The following ANKRD62 variants were observed in gnomAD, a reference collection of about 807,000 sequenced individuals.
The protein encoded by ANKRD62 is ankyrin repeat domain 62, also known as ankyrin repeat domain-containing protein 62.
ANKRD62 carries 61 observed loss-of-function variants against 98.8 expected under a neutral mutation model. That is an observed-to-expected ratio of 0.62 (90% CI 0.50 to 0.76). The LOEUF is 0.76. Ranked by LOEUF, ANKRD62 falls within the 30% of genes least tolerant of loss-of-function variation. The pLI is 0.00. For synonymous variants in ANKRD62, 341 were observed against 367.9 expected (o/e 0.93, Z 0.84); for missense variants, 933 against 1,082.9 (o/e 0.86, Z 1.94).
chr18:12,145,401 T>C, the ANKRD62 span, among the ~76,000 whole-genome samples: 1 of 152,240 alleles, frequency 6.6e-6, no homozygotes, highest in East Asian at 1.9e-4. Context: ...TTCAGATCTC[T>C]GTTGGCCAGA....
chr18:12,145,279 G>GC, the ANKRD62 span, among the ~76,000 whole-genome samples: 1 of 151,970 alleles, frequency 6.6e-6, no homozygotes, highest in African/African-American at 2.4e-5. Context: ...CTCTGCTACC[G>GC]CCCCCCACCA....
At chr18:12,134,162 A>G (rs1910044776), downstream of ANKRD62, among the ~76,000 whole-genome samples, 1 of 152,228 alleles carries the variant, frequency 6.6e-6, no homozygotes, top group East Asian at 1.9e-4. Context: ...GCACTGGCTC[A>G]TATGCCTTGA....
chr18:12,156,628 T>G, the ANKRD62 span, among the ~76,000 whole-genome samples: 1 of 152,274 alleles, frequency 6.6e-6, no homozygotes, highest in African/African-American at 2.4e-5. Context: ...CACATCTGTG[T>G]GTGTTCTAAG....
At chr18:12,160,990 C>T in the ANKRD62 span, among the ~76,000 whole-genome samples, 1 of 152,112 alleles carries the variant, frequency 6.6e-6, no homozygotes. Flanking sequence ...GAAAAGTGCT[C>T]ATGACACACT....
chr18:12,179,591 G>A, the ANKRD62 span, among the ~76,000 whole-genome samples: 1 of 151,506 alleles, frequency 6.6e-6, no homozygotes, highest in South Asian at 2.1e-4. Flanking sequence ...AGATACACCT[G>A]CAAATCTTCG....
chr18:12,119,624 T>A (rs1909742824), intron 10 of ANKRD62, among the ~76,000 whole-genome samples: 1 of 152,146 alleles, frequency 6.6e-6, no homozygotes, highest in East Asian at 1.9e-4. Flanking sequence ...ATGATAAGAC[T>A]ACCTCTAAAA....
chr18:12,136,891 T>C, the ANKRD62 span, among the ~76,000 whole-genome samples: 1 of 152,206 alleles, frequency 6.6e-6, no homozygotes, highest in Non-Finnish European at 1.5e-5. Context: ...TTTTTGTACA[T>C]TGATTTTGTA....
At chr18:12,111,337 C>A (rs1477151035) in intron 8 of ANKRD62, among the ~76,000 whole-genome samples, 1 of 151,662 alleles carries the variant, frequency 6.6e-6, no homozygotes, top group Non-Finnish European at 1.5e-5. Context: ...TCAATAGATT[C>A]AGAAATGTCT....
At chr18:12,115,176 A>T in intron 9 of ANKRD62, 55 bp downstream of exon 9, 2 of 1,357,980 alleles carry the variant, frequency 1.5e-6, no homozygotes, top group Non-Finnish European at 9.5e-7. Context: ...AAAAAAGATC[A>T]TGGTAAAAAA....
chr18:12,125,845 G>T lies in ANKRD62; in HGVS notation c.2024G>T (p.Arg675Ile). 6.5e-7 allele frequency: 1 copy of T among 1,548,726 alleles called. No homozygotes were observed. Among genetic ancestry groups the T allele is most frequent in the Non-Finnish European group, 8.7e-7 (1 of 1,147,402 alleles). ...CDHDQRQSSK[R>I]DLQLAFQSTV... Reference sequence around the variant, plus strand: ...CATGATCAACGTCAGTCATCAAAAAGAGACCTACAGCTTGCTTTCCAGAGC... The same window carrying T: ...CATGATCAACGTCAGTCATCAAAAATAGACCTACAGCTTGCTTTCCAGAGC... The change falls in exon 13 of 14, where the codon AGA becomes ATA. Residue 675 changes from arginine to isoleucine, a missense_variant. Around this residue, in one of 3 missense-constraint regions of ANKRD62, gnomAD observed 362 missense variants for 434.5 expected, o/e 0.83. Transcript: ENST00000587848.
the ANKRD62 span, among the ~76,000 whole-genome samples, chr18:12,160,644 T>G: frequency 2.0e-5 from 3 of 152,158 alleles, no homozygotes; most frequent in African/African-American, 7.2e-5. Flanking sequence ...CCATTTTTTG[T>G]TTTTATGTTA....
rs1179138042 is a variant in ANKRD62 at position 12,115,635 on chromosome 18, A to AT, written c.1240+102dup. ...CATAGAACACTGATGTGTTATAGGGATGTTCATCTCGGAAATATCCTTCTT... is the reference window on the plus strand; with the variant it reads ...CATAGAACACTGATGTGTTATAGGGATTGTTCATCTCGGAAATATCCTTCTT... On this transcript the variant is annotated intron_variant, in intron 10 of 13. Transcript: ENST00000587848. 3.8e-6 allele frequency: 4 copies of AT among 1,043,366 alleles called. No individual in the cohort carries two copies. The African/African-American group carries it at 6.5e-5, about 17-fold the overall frequency. The allele number at this position is 1,043,366 out of a possible 1,614,324, so 64.6% of individuals were successfully genotyped here.
intron 11 of ANKRD62, among the ~76,000 whole-genome samples, chr18:12,123,832 G>A (rs1192804131): frequency 2.0e-5 from 3 of 152,046 alleles, no homozygotes; most frequent in Non-Finnish European, 4.4e-5. Flanking sequence ...CCTGACTGAG[G>A]AGTAATTATT....
the ANKRD62 span, among the ~76,000 whole-genome samples, chr18:12,172,679 T>C: frequency 6.6e-6 from 1 of 152,216 alleles, no homozygotes; most frequent in Non-Finnish European, 1.5e-5. Flanking sequence ...CTGCTGCCTT[T>C]TGTTCAGCTA....
chr18:12,136,418 C>T, the ANKRD62 span, among the ~76,000 whole-genome samples: 4 of 152,156 alleles, frequency 2.6e-5, no homozygotes, highest in African/African-American at 4.8e-5. Flanking sequence ...TGTTTTGGTA[C>T]CAGTACCATG....
chr18:12,173,895 G>A, the ANKRD62 span, among the ~76,000 whole-genome samples: 1 of 152,180 alleles, frequency 6.6e-6, no homozygotes, highest in Non-Finnish European at 1.5e-5. Context: ...TAGGTGAGCT[G>A]ACCTTTCTCT....
At chr18:12,165,203 C>G in the ANKRD62 span, among the ~76,000 whole-genome samples, 1 of 152,020 alleles carries the variant, frequency 6.6e-6, no homozygotes, top group East Asian at 1.9e-4. Flanking sequence ...CAACAGATCA[C>G]TGGGTCTTGC....
At chr18:12,162,441 G>T in the ANKRD62 span, among the ~76,000 whole-genome samples, 15 of 152,188 alleles carry the variant, frequency 9.9e-5, no homozygotes, top group Middle Eastern at 6.8e-3. Context: ...CAGATGGGTA[G>T]CTTGCAGATA....
intron 7 of ANKRD62, among the ~76,000 whole-genome samples, chr18:12,104,214 T>C (rs1413022295): frequency 6.6e-6 from 1 of 152,160 alleles, no homozygotes; most frequent in Non-Finnish European, 1.5e-5. Context: ...TAAAGTTTGA[T>C]AGTTTGTGTT....
Sources: allele counts gnomAD v4.1 joint callset (sites outside exome capture counted in the v4.1 genomes callset), GRCh38; gene constraint gnomAD v4.1.1; regional missense constraint gnomAD v4.1.1; transcripts MANE v1.5; gene names NCBI Gene and HGNC (gene_info 2026-07-23, HGNC 2026-07-21).